Variants in ACOX3 observed in about 807,000 individuals in gnomAD.
The protein encoded by ACOX3 is peroxisomal acyl-coenzyme A oxidase 3.
In ACOX3, 73 loss-of-function variants were observed where a neutral mutation model predicts 81.5. That is an observed-to-expected ratio of 0.90 (90% CI 0.74 to 1.09). The LOEUF (loss-of-function observed/expected upper bound fraction) is 1.09. ACOX3 is among the 50% of genes least tolerant of loss of function. The probability of loss-of-function intolerance (pLI) is 0.00; values close to 1 mark genes in which losing one functional copy is unlikely to be tolerated. For missense variants in ACOX3, 947 were observed against 928.0 expected, an observed-to-expected ratio of 1.02 and a Z score of -0.27; for synonymous variants, 387 against 375.1, an observed-to-expected ratio of 1.03 and a Z score of -0.37.
chr4:8,428,867 G>T (rs937652750), intron 1 of ACOX3, among the ~76,000 whole-genome samples: 1 of 152,316 alleles, frequency 6.6e-6, no homozygotes, highest in African/African-American at 2.4e-5. Flanking sequence ...TTGAGGCCAG[G>T]AGTTTGAGAC....
chr4:8,363,978 T>C (rs541678356), downstream of ACOX3, among the ~76,000 whole-genome samples: 21 of 152,350 alleles, frequency 1.4e-4, no homozygotes, highest in South Asian at 3.3e-3. Context: ...TTGGGGCTGC[T>C]GTATGGAGTA....
At chr4:8,367,175 T>G in intron 17 of ACOX3, 95 bp from the exon 18 acceptor site, 1 of 1,512,228 alleles carries the variant, frequency 6.6e-7, no homozygotes, top group South Asian at 1.2e-5. Flanking sequence ...CCTCAAAGTT[T>G]TTGTTAAAAA....
Position 8,414,362 on chromosome 4 carries a change from A to G in ACOX3, c.473T>C (p.Leu158Pro). Reference protein sequence around the residue: ...FRMEIFGCFALTELSHGSNTK... With the variant: ...FRMEIFGCFAPTELSHGSNTK... ...ATTACTGCCGTGGCTTAATTCGGTC[A>G]GAGCAAAACATCCAAAAATCTAAAT... Residue 158 changes from leucine (L) to proline (P), a missense_variant, in exon 5 of 18, where the codon CTG (leucine) becomes CCG (proline). Physicochemically the swap from Leu to Pro is moderately conservative, Grantham distance 98. Coordinates refer to ENST00000356406, the MANE Select transcript of ACOX3 (RefSeq NM_003501.3). This position sits in a 1 kb window ranked among gnomAD's most constrained non-coding sequence, Gnocchi z 6.1. 3 of 1,614,224 alleles carry G rather than the reference A, an allele frequency of 1.9e-6. No homozygotes were observed. Among genetic ancestry groups the G allele is most frequent in the Non-Finnish European group, 2.5e-6 (3 of 1,180,024 alleles).
At chr4:8,396,893 T>C (rs1465051841) in intron 9 of ACOX3, 44 bp downstream of exon 9, 3 of 1,584,732 alleles carry the variant, frequency 1.9e-6, no homozygotes, top group South Asian at 1.2e-5. Flanking sequence ...TGAATTTGCA[T>C]ATAAAATAGA....
rs552555131 is a variant in ACOX3, at chr4:8,419,797, C to A, written c.-14-3262G>T. 3.9e-5 allele frequency among the ~76,000 whole-genome samples: 6 copies of A among 152,282 alleles called. No individual in the cohort carries two copies. The East Asian group carries it at 1.2e-3, about 29-fold the overall frequency. On this transcript the variant is annotated intron_variant, in intron 1 of 17. Transcript: ENST00000356406. The surrounding 1 kb of genome is among the most constrained non-coding windows in gnomAD (Gnocchi z 4.2). The stretch of plus-strand genomic sequence containing the variant: ...ACTGAATTCAGCCTCTCAGCCCTGA[C>A]CCAGCTTCGCCTCCTGCACCCCAGT...
chr4:8,428,975 G>A (rs1723782555), intron 1 of ACOX3, among the ~76,000 whole-genome samples: 1 of 152,218 alleles, frequency 6.6e-6, no homozygotes, highest in African/African-American at 2.4e-5. Context: ...CCTAGTGGAA[G>A]TGGGCCCTCA....
chr4:8,358,529 T>A, the ACOX3 span, among the ~76,000 whole-genome samples: 1 of 152,216 alleles, frequency 6.6e-6, no homozygotes, highest in African/African-American at 2.4e-5. Context: ...TGAGACCTAC[T>A]GGGCTGCATT....
chr4:8,394,908 G>C lies in ACOX3; in HGVS notation c.1057-166C>G, dbSNP rs1719517310. The C allele has an allele frequency of 4.3e-6, 4 of 920,116 alleles. No individual in the cohort carries two copies. Among genetic ancestry groups the C allele is most frequent in the Non-Finnish European group, 6.2e-6 (4 of 641,574 alleles). The allele number at this position is 920,116 out of a possible 1,614,324, so 57.0% of individuals were successfully genotyped here. A position where few individuals can be genotyped will look rare whatever the true frequency, so the allele number is the denominator to read the frequency against. On this transcript the variant is annotated intron_variant, in intron 9 of 17. Transcript: ENST00000356406. The surrounding 1 kb of genome is among the most constrained non-coding windows in gnomAD (Gnocchi z 5.9). ...CGGCACATCAGAAAGCCTTCACCCT[G>C]ACACGCTCTCAACTCAGCCAGTTCG...
intron 14 of ACOX3, among the ~76,000 whole-genome samples, chr4:8,378,791 C>A (rs1289206047): frequency 6.6e-6 from 1 of 152,222 alleles, no homozygotes; most frequent in Non-Finnish European, 1.5e-5. Flanking sequence ...CAGTTACTGG[C>A]AGGAGCCAGA....
At chr4:8,418,502 T>C (rs1243069194) in intron 1 of ACOX3, among the ~76,000 whole-genome samples, 1 of 134,408 alleles carries the variant, frequency 7.4e-6, no homozygotes, top group African/African-American at 2.7e-5. Flanking sequence ...AATAATAAAA[T>C]GACAAAAAAC....
chr4:8,373,675 C>G, intron 15 of ACOX3, 47 bp from the exon 16 acceptor site: 3 of 1,572,746 alleles, frequency 1.9e-6, no homozygotes, highest in Non-Finnish European at 2.6e-6. Context: ...CAGTCCAAAA[C>G]CACCCCCAAT....
In ACOX3 at chr4:8,394,487, G is replaced by T; in HGVS notation, c.1179+133C>A. The stretch of plus-strand genomic sequence containing the variant: ...CAGAGGCCAAGAGCTCCGAGTGGGT[G>T]GGAACAACTGGAGGAATGCTCTGTC... On this transcript the variant is annotated intron_variant, in intron 10 of 17. Coordinates refer to ENST00000356406, the MANE Select transcript of ACOX3 (RefSeq NM_003501.3). The surrounding 1 kb of genome is among the most constrained non-coding windows in gnomAD (Gnocchi z 5.9). 1 of 1,378,240 alleles carries T rather than the reference G, an allele frequency of 7.3e-7. No individual in the cohort carries two copies. The highest frequency in any genetic ancestry group is 9.7e-7 in the Non-Finnish European group (1 of 1,035,892). 85.4% of individuals were successfully genotyped at this position (1,378,240 alleles called of 1,614,324 possible).
the ACOX3 span, chr4:8,357,021 G>A: frequency 2.8e-5 from 13 of 456,236 alleles, no homozygotes; most frequent in African/African-American, 2.4e-4. Flanking sequence ...AATGGTGCAT[G>A]CTAACGTGAT....
Position 8,399,446 on chromosome 4 carries a change from G to A in ACOX3, c.873+110C>T, listed in dbSNP as rs541889378. On this transcript the variant is annotated intron_variant, in intron 8 of 17. Transcript: ENST00000356406. This position sits in a 1 kb window ranked among gnomAD's most constrained non-coding sequence, Gnocchi z 4.9. ...GAGAAGTATGCCCCAGCGACACCTGGCCTACGTGGAGGGGTCTCCTTTCCA... is the reference window on the plus strand; with the variant it reads ...GAGAAGTATGCCCCAGCGACACCTGACCTACGTGGAGGGGTCTCCTTTCCA... 1.1e-5 allele frequency: 10 copies of A among 923,006 alleles called. No individual in the cohort carries two copies. The South Asian group carries it at 1.6e-4, about 14-fold the overall frequency. The allele number at this position is 923,006 out of a possible 1,614,324, so 57.2% of individuals were successfully genotyped here. A position where few individuals can be genotyped will look rare whatever the true frequency, so the allele number is the denominator to read the frequency against.
chr4:8,414,405 TG>T lies in ACOX3; in HGVS notation c.454-25del. ...ATCTAAATGTCAAAGCACAAAATGA[TG>T]GAAAGCAAGAAAAGTTCTTTGTGCA... is the stretch of plus-strand genomic sequence containing the variant. On this transcript the variant is annotated intron_variant, in intron 4 of 17. Coordinates refer to ENST00000356406, the MANE Select transcript of ACOX3 (RefSeq NM_003501.3). The surrounding 1 kb of genome is among the most constrained non-coding windows in gnomAD (Gnocchi z 6.1). 1 of 1,603,794 alleles carries T rather than the reference TG, an allele frequency of 6.2e-7. No homozygotes were observed. The highest frequency in any genetic ancestry group is 8.5e-7 in the Non-Finnish European group (1 of 1,170,596).
intron 11 of ACOX3, among the ~76,000 whole-genome samples, chr4:8,390,114 C>A (rs200304309): frequency 0.34 from 43,226 of 128,020 alleles, 10,095 homozygotes; most frequent in African/African-American, 0.65. Flanking sequence ...ACAACAACAA[C>A]AACAAAAAAA....
At chr4:8,402,043 C>G (rs79025702) in intron 7 of ACOX3, among the ~76,000 whole-genome samples, 1 of 152,164 alleles carries the variant, frequency 6.6e-6, no homozygotes, top group East Asian at 1.9e-4. Context: ...ACTTAAGGGA[C>G]GGGCACGTAA....
chr4:8,380,061 A>G (rs1717443175), intron 14 of ACOX3, among the ~76,000 whole-genome samples: 1 of 152,220 alleles, frequency 6.6e-6, no homozygotes, highest in Admixed American at 6.5e-5. Context: ...CAAGGTGGGT[A>G]AACAAGGCGG....
the ACOX3 span, chr4:8,357,378 A>C: frequency 5.3e-6 from 2 of 376,740 alleles, no homozygotes; most frequent in Non-Finnish European, 1.1e-5. Context: ...AAGGAGTACA[A>C]TGAATCAAAT....
Sources: gnomAD v4.1 joint callset for allele counts (sites outside exome capture counted in the v4.1 genomes callset) on GRCh38, gnomAD v4.1.1 for gene constraint, Gnocchi (gnomAD v3.1) non-coding constraint, MANE v1.5 for transcripts, NCBI Gene and HGNC (gene_info 2026-07-23, HGNC 2026-07-21) for gene names.